The following RND1 variants were observed in gnomAD, a reference collection of about 807,000 sequenced individuals.
RND1 encodes the protein rho-related GTP-binding protein Rho6.
Under a neutral mutation model 27.1 loss-of-function variants are expected in RND1, and 9 were observed. The ratio of observed to expected loss-of-function variants is 0.33; its 90% CI spans 0.20 to 0.58. The LOEUF (loss-of-function observed/expected upper bound fraction) is 0.58, where lower values mean the gene tolerates loss of function less well. RND1 is among the 20% of genes least tolerant of loss of function. The pLI is 0.86. For synonymous variants in RND1, 108 were observed against 115.7 expected (o/e 0.93, Z 0.43); for missense variants, 253 against 292.2 (o/e 0.87, Z 0.98).
intron 3 of RND1, 82 bp downstream of exon 3, chr12:48,861,927 C>G (rs1355035406): frequency 1.2e-6 from 1 of 816,372 alleles, no homozygotes; most frequent in Non-Finnish European, 2.1e-6. Flanking sequence ...TGATGTTATA[C>G]AAGAGGGCAT....
intron 4 of RND1, among the ~76,000 whole-genome samples, chr12:48,860,113 T>G (rs1938901437): frequency 7.3e-6 from 1 of 136,604 alleles, no homozygotes; most frequent in Admixed American, 8.0e-5. Flanking sequence ...ACAGAGTCTC[T>G]CACTCTGTCG....
chr12:48,861,595 A>G (rs1258181888), intron 3 of RND1, among the ~76,000 whole-genome samples: 7 of 152,270 alleles, frequency 4.6e-5, no homozygotes, highest in Admixed American at 3.9e-4. Flanking sequence ...GCCCAGACCT[A>G]AGCATTTCAT....
intron 4 of RND1, among the ~76,000 whole-genome samples, chr12:48,859,509 C>T (rs1938890232): frequency 6.6e-6 from 1 of 152,086 alleles, no homozygotes; most frequent in African/African-American, 2.4e-5. Context: ...CACTGCACTC[C>T]AGCCTGGGTG....
Position 48,865,354 on chromosome 12 carries a change from T to G in RND1, c.120+294A>C, listed in dbSNP as rs866406606. The G allele has an allele frequency of 1.3e-5, 6 of 455,600 alleles. No homozygotes were observed. The Middle Eastern group carries it at 2.6e-3, about 194-fold the overall frequency. 28.2% of individuals were successfully genotyped at this position (455,600 alleles called of 1,614,324 possible). On this transcript the variant is annotated intron_variant, in intron 1 of 4. Coordinates refer to ENST00000309739, the MANE Select transcript of RND1 (RefSeq NM_014470.4). ...ACCCCAGACTTTCAAATGCCTCCAG[T>G]GCCCTCACCTGAGAGCAGACTCCAG... is the stretch of plus-strand genomic sequence containing the variant.
chr12:48,858,928 C>G (rs1938880001), intron 4 of RND1: 2 of 147,104 alleles, frequency 1.4e-5, no homozygotes, highest in South Asian at 4.2e-4. Flanking sequence ...GGGTATAGAG[C>G]CAAGGCATTA....
rs2137506023 is a variant in RND1 at position 48,858,203 on chromosome 12, G to A, written c.492C>T (p.Tyr164=). Residue 164 remains tyrosine, a synonymous_variant, in exon 5 of 5, where the codon TAC becomes TAT. Coordinates refer to ENST00000309739, the MANE Select transcript of RND1 (RefSeq NM_014470.4). Reference sequence around the variant, plus strand: ...CTGAGGTGAAAGCTGAGCCTTCCAGGTAGATTTCTGCACCCAGCTGCTTTG... The same window carrying A: ...CTGAGGTGAAAGCTGAGCCTTCCAGATAGATTTCTGCACCCAGCTGCTTTG... ...AIAKQLGAEI[Y]LEGSAFTSEK... 1 of 1,614,126 alleles carries A rather than the reference G, an allele frequency of 6.2e-7. No individual in the cohort carries two copies. Among genetic ancestry groups the A allele is most frequent in the Non-Finnish European group, 8.5e-7 (1 of 1,180,012 alleles).
intron 3 of RND1, among the ~76,000 whole-genome samples, chr12:48,861,715 T>C (rs527435097): frequency 6.6e-6 from 1 of 152,256 alleles, no homozygotes; most frequent in South Asian, 2.1e-4. Flanking sequence ...TCATACCGTA[T>C]CACCTAAAGG....
chr12:48,857,740 C>G lies in RND1; in HGVS notation c.*256G>C, dbSNP rs981709164. 50 of 341,304 alleles carry G rather than the reference C, an allele frequency of 1.5e-4. No individual in the cohort carries two copies. Among genetic ancestry groups the G allele is most frequent in the African/African-American group, 4.9e-4 (23 of 46,784 alleles). 21.1% of individuals were successfully genotyped at this position (341,304 alleles called of 1,614,324 possible). On this transcript the variant is annotated 3_prime_UTR_variant, in exon 5 of 5. Coordinates refer to ENST00000309739, the MANE Select transcript of RND1 (RefSeq NM_014470.4). ...CCCCACAGCTTTCCTTCCTCTGGAG[C>G]GGGGGGGGCACTGGGGTAGTCGCCC...
In RND1 at chr12:48,857,749, C is replaced by T. The variant is rs914582434; in HGVS notation, c.*247G>A. ...TTTCCTTCCTCTGGAGCGGGGGGGG[C>T]ACTGGGGTAGTCGCCCCCTCCAAAA... On this transcript the variant is annotated 3_prime_UTR_variant, in exon 5 of 5. Coordinates refer to ENST00000309739, the MANE Select transcript of RND1 (RefSeq NM_014470.4). 1 of 371,408 alleles carries T rather than the reference C, an allele frequency of 2.7e-6. No individual in the cohort carries two copies. The highest frequency in any genetic ancestry group is 4.9e-5 in the East Asian group (1 of 20,302). 23.0% of individuals were successfully genotyped at this position (371,408 alleles called of 1,614,324 possible). A position where few individuals can be genotyped will look rare whatever the true frequency, so the allele number is the denominator to read the frequency against.
chr12:48,865,323 G>T, intron 1 of RND1: 3 of 417,046 alleles, frequency 7.2e-6, no homozygotes, highest in Non-Finnish European at 9.0e-6. Context: ...ATTACGTCAA[G>T]AAGAAACCCC....
At chr12:48,864,949 C>CA (rs1938968178) in intron 1 of RND1, 79 bp from the exon 2 acceptor site, 1 of 1,028,726 alleles carries the variant, frequency 9.7e-7, no homozygotes, top group Admixed American at 1.7e-5. Flanking sequence ...CACACGCACT[C>CA]ACCAGAGAGA....
intron 2 of RND1, among the ~76,000 whole-genome samples, chr12:48,862,665 C>A (rs1938932414): frequency 6.6e-6 from 1 of 152,142 alleles, no homozygotes. Flanking sequence ...TCGGCTTACA[C>A]TGAAAAGGGC....
intron 4 of RND1, among the ~76,000 whole-genome samples, chr12:48,860,224 C>A (rs533863988): frequency 1.3e-5 from 2 of 152,040 alleles, no homozygotes; most frequent in African/African-American, 4.8e-5. Context: ...GCTGGGATTA[C>A]GGGTGCATGC....
chr12:48,860,598 G>C (rs917368480), intron 4 of RND1, among the ~76,000 whole-genome samples: 1 of 97,146 alleles, frequency 1.0e-5, no homozygotes, highest in East Asian at 2.8e-4. Flanking sequence ...AGACAGTCTT[G>C]CTTTGTTGCC....
At chr12:48,860,122 C>T (rs1308591451) in intron 4 of RND1, among the ~76,000 whole-genome samples, 18 of 146,376 alleles carry the variant, frequency 1.2e-4, no homozygotes, top group Admixed American at 7.6e-4. Context: ...CTCACTCTGT[C>T]GCCCAGGTGG....
Position 48,862,040 on chromosome 12 carries a change from C to A in RND1, c.287G>T (p.Arg96Leu). 1 of 1,611,430 alleles carries A rather than the reference C, an allele frequency of 6.2e-7. No individual in the cohort carries two copies. Among genetic ancestry groups the A allele is most frequent in the South Asian group, 1.1e-5 (1 of 91,036 alleles). Residue 96 changes from arginine (R) to leucine (L), a missense_variant, in exon 3 of 5, where the codon CGT (arginine) becomes CTT (leucine). Physicochemically the swap from Arg to Leu is moderately radical, Grantham distance 102. Coordinates refer to ENST00000309739, the MANE Select transcript of RND1 (RefSeq NM_014470.4). ...DAVLLCFDIS[R>L]PETVDSALKK... ...GAGTGCGCTGTCCACTGTCTCTGGA[C>A]GGCTGATGTCAAAACATAGTAATAC...
chr12:48,863,185 T>C (rs1037894596), intron 2 of RND1, among the ~76,000 whole-genome samples: 9 of 152,118 alleles, frequency 5.9e-5, no homozygotes, highest in African/African-American at 1.9e-4. Flanking sequence ...AAGTAAATAA[T>C]GGGAACAGGG....
At chr12:48,863,857 A>C (rs1321715392) in intron 2 of RND1, among the ~76,000 whole-genome samples, 1 of 151,892 alleles carries the variant, frequency 6.6e-6, no homozygotes, top group African/African-American at 2.4e-5. Context: ...GGAGGGGTGG[A>C]TTTTATTTTC....
chr12:48,861,013 G>A lies in RND1; in HGVS notation c.437C>T (p.Pro146Leu), dbSNP rs769192944. The A allele has an allele frequency of 2.5e-6, 4 of 1,613,580 alleles. No individual in the cohort carries two copies. In the South Asian group the frequency reaches 4.4e-5, roughly 18 times the overall value. ...LMELSHQKQA[P>L]ISYEQGCAIA... ...CGCACACACCTGCTCATAGGAGATG[G>A]GCGCCTGCTTCTGGTGGGACAGCTC... The change falls in exon 4 of 5, where the codon CCC (proline) becomes CTC (leucine). Residue 146 changes from proline (P) to leucine (L), a missense_variant. Transcript: ENST00000309739.
Sources: gnomAD v4.1 joint callset for allele counts (sites outside exome capture counted in the v4.1 genomes callset) on GRCh38, gnomAD v4.1.1 for gene constraint, MANE v1.5 for transcripts, NCBI Gene and HGNC (gene_info 2026-07-23, HGNC 2026-07-21) for gene names.